The following MAPT variants were observed in gnomAD, a reference collection of about 807,000 sequenced individuals.
The protein encoded by MAPT is microtubule-associated protein tau.
In MAPT, 34 loss-of-function variants were observed where a neutral mutation model predicts 67.9. The observed-to-expected ratio is 0.50, with a 90% CI of 0.38 to 0.67. The LOEUF (loss-of-function observed/expected upper bound fraction) is 0.67. Among genes scored for constraint, MAPT ranks in the 30% least tolerant of loss-of-function variants. The probability of loss-of-function intolerance (pLI) is 0.00; values close to 1 mark genes in which losing one functional copy is unlikely to be tolerated. For synonymous variants in MAPT, 456 were observed against 464.5 expected, an observed-to-expected ratio of 0.98 and a Z score of 0.23; for missense variants, 881 against 1,115.2, an observed-to-expected ratio of 0.79 and a Z score of 2.99.
chr17:45,931,067 C>T (rs1025874064), intron 1 of MAPT, among the ~76,000 whole-genome samples: 1 of 152,144 alleles, frequency 6.6e-6, no homozygotes, highest in Non-Finnish European at 1.5e-5. Flanking sequence ...CTGAGAGAAA[C>T]GGGCATTGTC....
intron 1 of MAPT, among the ~76,000 whole-genome samples, chr17:45,952,203 C>T (rs1487314709): frequency 2.0e-5 from 3 of 152,166 alleles, no homozygotes; most frequent in Non-Finnish European, 4.4e-5. Context: ...GGCACAGCTG[C>T]GCCATTTGTC....
chr17:45,904,772 A>C (rs2064185568), intron 1 of MAPT, among the ~76,000 whole-genome samples: 1 of 151,816 alleles, frequency 6.6e-6, no homozygotes, highest in African/African-American at 2.4e-5. Context: ...GCATGCCTGC[A>C]TTTTTTATAC....
rs755282340 is a variant in MAPT, at chr17:45,965,429, T to TA, written c.133+2968dup. On this transcript the variant is annotated intron_variant, in intron 2 of 12. Transcript: ENST00000262410. ...TGGGTGACAGAGTGAGACTCCGTCCTAAAAAAAAAGGAGTTTTGCTCTGTC... is the reference window on the plus strand; with the variant it reads ...TGGGTGACAGAGTGAGACTCCGTCCTAAAAAAAAAAGGAGTTTTGCTCTGTC... Among the ~76,000 whole-genome samples the TA allele has an allele frequency of 2.7e-3, 397 of 147,220 alleles. 1 individual carries two copies. The highest frequency in any genetic ancestry group is 7.1e-3 in the African/African-American group (286 of 40,346).
chr17:46,018,070 G>A (rs535947588), intron 11 of MAPT, among the ~76,000 whole-genome samples: 16 of 151,438 alleles, frequency 1.1e-4, no homozygotes, highest in African/African-American at 3.6e-4. Context: ...GCATGAACCC[G>A]GGAGGCGGAG....
intron 1 of MAPT, among the ~76,000 whole-genome samples, chr17:45,953,743 C>A (rs1476007350): frequency 2.0e-5 from 3 of 152,146 alleles, no homozygotes; most frequent in Non-Finnish European, 2.9e-5. Flanking sequence ...CAGTGAGACT[C>A]ATTGCCCTGT....
rs1037108580 is a variant in MAPT at position 45,917,774 on chromosome 17, T to A, written c.-18+23088T>A. Among the ~76,000 whole-genome samples, 7 of 113,018 alleles carry A rather than the reference T, an allele frequency of 6.2e-5. No individual in the cohort carries two copies. In the East Asian group the frequency reaches 1.4e-3, roughly 22 times the overall value. 74.1% of individuals were successfully genotyped at this position (113,018 alleles called of 152,430 possible). On this transcript the variant is annotated intron_variant, in intron 1 of 12. Transcript: ENST00000262410. ...GATCCTGGAGGATTCCAGCGTCTTT[T>A]TTTTTTTTTCTTTTTTTTTAAGACA...
At chr17:45,974,584 C>G in intron 3 of MAPT, 1 of 826,220 alleles carries the variant, frequency 1.2e-6, no homozygotes, top group Non-Finnish European at 2.0e-6. Context: ...GGGGCAGGAA[C>G]ATGGGTGGAT....
At position 46,024,185 on chromosome 17, in the gene MAPT, G is replaced by T. The variant is rs778100102; in HGVS notation, c.*14G>T. ...CAGGGTTTGTGATCAGGCCCCTGGG[G>T]CGGTCAATAATTGTGGAGAGGAGAG... On this transcript the variant is annotated 3_prime_UTR_variant, in exon 13 of 13. Coordinates refer to ENST00000262410, the MANE Select transcript of MAPT (RefSeq NM_001377265.1). 6.2e-7 allele frequency: 1 copy of T among 1,611,698 alleles called. No homozygotes were observed. Among genetic ancestry groups the T allele is most frequent in the Admixed American group, 1.7e-5 (1 of 60,004 alleles).
At chr17:46,008,071 T>C (rs1159592154) in intron 9 of MAPT, among the ~76,000 whole-genome samples, 1 of 152,180 alleles carries the variant, frequency 6.6e-6, no homozygotes, top group Non-Finnish European at 1.5e-5. Flanking sequence ...CCATAGACAA[T>C]GCTTAGGATA....
chr17:45,914,394 G>A (rs1418124751), intron 1 of MAPT, among the ~76,000 whole-genome samples: 1 of 152,242 alleles, frequency 6.6e-6, no homozygotes, highest in African/African-American at 2.4e-5. Flanking sequence ...GTAGAAGTCT[G>A]GAAAACATCA....
chr17:45,995,888 G>A lies in MAPT; in HGVS notation c.1733-511G>A, dbSNP rs145952152. ...GAAAGGGTCAGAAGCGTCCAGGCTT[G>A]AGGGCACAGCTGGGTCTCGTCACTG... On this transcript the variant is annotated intron_variant, in intron 8 of 12. Coordinates refer to ENST00000262410, the MANE Select transcript of MAPT (RefSeq NM_001377265.1). The surrounding 1 kb of genome is among the most constrained non-coding windows in gnomAD (Gnocchi z 4.3). 1.3e-5 allele frequency among the ~76,000 whole-genome samples: 2 copies of A among 152,314 alleles called. No individual in the cohort carries two copies. Among genetic ancestry groups the A allele is most frequent in the East Asian group, 3.9e-4 (2 of 5,180 alleles).
In MAPT at chr17:45,983,103, G is replaced by T; in HGVS notation, c.524G>T (p.Gly175Val). The T allele has an allele frequency of 6.4e-7, 1 of 1,554,802 alleles. No individual in the cohort carries two copies. The highest frequency in any genetic ancestry group is 8.7e-7 in the Non-Finnish European group (1 of 1,147,874). The stretch of plus-strand genomic sequence containing the variant: ...CCTCAGGAGCCCTCCCTGGAGTGGG[G>T]ACAAAAAGGCGGGGACTGGGCCGAG... The part of the protein sequence containing the change: ...GGPQEPSLEW[G>V]QKGGDWAEKG... The change falls in exon 5 of 13, where the codon GGA becomes GTA. Residue 175 changes from glycine (G) to valine (V), a missense_variant. Gly to Val is a moderately radical substitution (Grantham distance 109, BLOSUM62 -3). Coordinates refer to ENST00000262410, the MANE Select transcript of MAPT (RefSeq NM_001377265.1).
At chr17:45,976,471 A>C (rs1230317268) in intron 3 of MAPT, 24 of 152,204 alleles carry the variant, frequency 1.6e-4, no homozygotes, top group Admixed American at 1.6e-3. Context: ...GAGGTTCTAG[A>C]GTTGGGTGCA....
intron 1 of MAPT, among the ~76,000 whole-genome samples, chr17:45,919,405 C>T (rs1284323866): frequency 1.3e-5 from 2 of 152,206 alleles, no homozygotes; most frequent in Admixed American, 6.5e-5. Flanking sequence ...GTCAGAGCCT[C>T]ATCCCAGCCC....
chr17:45,913,384 G>A (rs890971347), intron 1 of MAPT, among the ~76,000 whole-genome samples: 2 of 152,196 alleles, frequency 1.3e-5, no homozygotes, highest in African/African-American at 2.4e-5. Flanking sequence ...CCCACAACAT[G>A]TGGGAATTCA....
At chr17:46,000,139 A>G (rs572367621) in intron 9 of MAPT, among the ~76,000 whole-genome samples, 4 of 152,344 alleles carry the variant, frequency 2.6e-5, no homozygotes, top group Admixed American at 2.0e-4. Context: ...GAATCCCTCA[A>G]CCGTGCCGGA....
intron 2 of MAPT, among the ~76,000 whole-genome samples, chr17:45,963,646 G>T (rs2070709960): frequency 1.3e-5 from 2 of 152,160 alleles, no homozygotes; most frequent in Admixed American, 6.5e-5. Context: ...AAAACACCTT[G>T]CAGCCCAGGG....
intron 1 of MAPT, among the ~76,000 whole-genome samples, chr17:45,917,971 A>C (rs1253361480): frequency 1.3e-5 from 2 of 151,812 alleles, no homozygotes; most frequent in African/African-American, 4.8e-5. Flanking sequence ...CGGGGGTTTC[A>C]CTCTGTTGGC....
intron 1 of MAPT, among the ~76,000 whole-genome samples, chr17:45,900,854 C>T (rs760581367): frequency 3.3e-5 from 5 of 152,128 alleles, no homozygotes; most frequent in Admixed American, 6.5e-5. Flanking sequence ...ACCTGTCTCA[C>T]GGGTTGCCAT....
Sources: gnomAD v4.1 joint callset for allele counts (sites outside exome capture counted in the v4.1 genomes callset) on GRCh38, gnomAD v4.1.1 for gene constraint, Gnocchi (gnomAD v3.1) non-coding constraint, MANE v1.5 for transcripts, NCBI Gene and HGNC (gene_info 2026-07-23, HGNC 2026-07-21) for gene names.